ANP32A: variants seen among roughly 807,000 people sequenced by gnomAD.
ANP32A encodes acidic leucine-rich nuclear phosphoprotein 32 family member A.
In ANP32A, 1 loss-of-function variant was observed where a neutral mutation model predicts 33.9. The observed-to-expected ratio is 0.03, with a 90% CI of 0.01 to 0.14. The LOEUF is 0.14. Among genes scored for constraint, ANP32A ranks in the 10% least tolerant of loss-of-function variants. The pLI is 1.00. For synonymous variants in ANP32A, 115 were observed against 120.5 expected, an observed-to-expected ratio of 0.95 and a Z score of 0.30; for missense variants, 155 against 306.0, an observed-to-expected ratio of 0.51 and a Z score of 3.68.
chr15:68,818,060 A>G (rs1254879629), intron 1 of ANP32A, among the ~76,000 whole-genome samples: 1 of 152,026 alleles, frequency 6.6e-6, no homozygotes, highest in Non-Finnish European at 1.5e-5. Flanking sequence ...ATAAAAATAA[A>G]TAAATAAAAC....
At chr15:68,812,089 T>C (rs1567040173) in intron 1 of ANP32A, among the ~76,000 whole-genome samples, 1 of 152,082 alleles carries the variant, frequency 6.6e-6, no homozygotes, top group African/African-American at 2.4e-5. Flanking sequence ...TATGGTGTTC[T>C]AACGGCAACA....
Position 68,779,923 on chromosome 15 carries a change from C to G in ANP32A, c.*158G>C, listed in dbSNP as rs561441696. 1.6e-5 allele frequency: 8 copies of G among 510,026 alleles called. No homozygotes were observed. The highest frequency in any genetic ancestry group is 3.6e-5 in the East Asian group (1 of 28,110). 31.6% of individuals were successfully genotyped at this position (510,026 alleles called of 1,614,324 possible). ...CACCCCCACCCGCCATCCCTCCCCCCGCAACCCCCAGTACACTCTTCCCCT... is the reference window on the plus strand; with the variant it reads ...CACCCCCACCCGCCATCCCTCCCCCGGCAACCCCCAGTACACTCTTCCCCT... On this transcript the variant is annotated 3_prime_UTR_variant, in exon 7 of 7. Coordinates refer to ENST00000465139, the MANE Select transcript of ANP32A (RefSeq NM_006305.4).
At position 68,787,755 on chromosome 15, in the gene ANP32A, C is replaced by G; in HGVS notation, c.204+15G>C. 1.9e-6 allele frequency: 3 copies of G among 1,601,778 alleles called. No individual in the cohort carries two copies. The highest frequency in any genetic ancestry group is 2.6e-6 in the Non-Finnish European group (3 of 1,168,990). On this transcript the variant is annotated intron_variant, in intron 2 of 6. Transcript: ENST00000465139. ...ACCCCCGCCTCCCAGCACACACAGA[C>G]TCCACTCTATTTACCTTCTTAAGTT...
At chr15:68,810,857 C>T (rs1253671003) in intron 1 of ANP32A, among the ~76,000 whole-genome samples, 2 of 151,954 alleles carry the variant, frequency 1.3e-5, no homozygotes, top group Non-Finnish European at 1.5e-5. Flanking sequence ...GTCAGGAGTT[C>T]GAGATCAGCC....
chr15:68,790,330 AG>A (rs1253926114), intron 1 of ANP32A: 1 of 152,260 alleles, frequency 6.6e-6, no homozygotes, highest in Non-Finnish European at 1.5e-5. Context: ...GAATTCGTCC[AG>A]GAAGTCGGTC....
chr15:68,791,717 G>A (rs1388973030), intron 1 of ANP32A: 1 of 152,688 alleles, frequency 6.5e-6, no homozygotes, highest in Admixed American at 6.5e-5. Flanking sequence ...CTCCCTGGTT[G>A]GTTTCAGCAC....
intron 4 of ANP32A, 74 bp downstream of exon 4, chr15:68,784,323 C>T (rs773651745): frequency 9.1e-6 from 14 of 1,542,146 alleles, no homozygotes; most frequent in Non-Finnish European, 1.2e-5. Context: ...GCCCACCCAC[C>T]TCTGCAAAGC....
chr15:68,787,950 C>A, intron 1 of ANP32A, 31 bp from the exon 2 acceptor site: 2 of 1,613,624 alleles, frequency 1.2e-6, no homozygotes, highest in South Asian at 2.2e-5. Flanking sequence ...GTGAGCGGGG[C>A]TGAGGAATGG....
chr15:68,801,744 T>C (rs1252729797), intron 1 of ANP32A: 1 of 154,698 alleles, frequency 6.5e-6, no homozygotes, highest in East Asian at 1.9e-4. Flanking sequence ...TATTAAACTG[T>C]AGCACTTTGC....
At chr15:68,784,195 A>T in intron 4 of ANP32A, 1 of 615,606 alleles carries the variant, frequency 1.6e-6, no homozygotes, top group South Asian at 2.0e-5. Context: ...AATGAGACAG[A>T]TTAGGGACTA....
chr15:68,787,641 C>T (rs779608154), intron 2 of ANP32A, 106 bp from the exon 3 acceptor site: 1 of 1,597,244 alleles, frequency 6.3e-7, no homozygotes, highest in Non-Finnish European at 8.6e-7. Flanking sequence ...AAAGCAGTCT[C>T]AGGCAATTGT....
intron 1 of ANP32A, among the ~76,000 whole-genome samples, chr15:68,804,870 A>T (rs1469830779): frequency 2.0e-5 from 3 of 152,268 alleles, no homozygotes. Context: ...TCCAGCCCTC[A>T]TAATACTGGG....
At chr15:68,812,036 GT>G (rs386364568) in intron 1 of ANP32A, among the ~76,000 whole-genome samples, 2 of 3,586 alleles carry the variant, frequency 5.6e-4, no homozygotes, top group African/African-American at 3.2e-4. Context: ...GCCCTAAGTT[GT>G]TTTTTTTTTT....
chr15:68,807,568 G>A (rs981163753), intron 1 of ANP32A, among the ~76,000 whole-genome samples: 6 of 152,144 alleles, frequency 3.9e-5, no homozygotes, highest in Admixed American at 2.6e-4. Context: ...ACCTTCTGGA[G>A]AGGGGCTGAC....
intron 1 of ANP32A, among the ~76,000 whole-genome samples, chr15:68,813,299 T>C (rs1305673647): frequency 2.0e-5 from 3 of 152,210 alleles, no homozygotes; most frequent in Non-Finnish European, 4.4e-5. Flanking sequence ...CTGTATATCA[T>C]CAGGACAACT....
At chr15:68,818,283 C>A in intron 1 of ANP32A, 2 of 269,516 alleles carry the variant, frequency 7.4e-6, no homozygotes, top group Admixed American at 4.4e-5. Context: ...GCATGGCCAC[C>A]AGCTCCCGGA....
intron 1 of ANP32A, chr15:68,818,349 G>C: frequency 5.4e-6 from 1 of 185,312 alleles, no homozygotes; most frequent in South Asian, 6.4e-5. Context: ...GGGCAGCGCG[G>C]CGGGGAGGGG....
Position 68,780,022 on chromosome 15 carries a change from G to A in ANP32A, c.*59C>T, listed in dbSNP as rs1213852501. The A allele has an allele frequency of 2.0e-6, 3 of 1,506,554 alleles. No homozygotes were observed. Among genetic ancestry groups the A allele is most frequent in the Non-Finnish European group, 2.8e-6 (3 of 1,090,484 alleles). 93.3% of individuals were successfully genotyped at this position (1,506,554 alleles called of 1,614,324 possible). A position where few individuals can be genotyped will look rare whatever the true frequency, so the allele number is the denominator to read the frequency against. ...GCAGGATTGGAGGGGGGGGGGAGAGGGGATATGGGTAAAAACAGTCAAATC... is the reference window on the plus strand; with the variant it reads ...GCAGGATTGGAGGGGGGGGGGAGAGAGGATATGGGTAAAAACAGTCAAATC... On this transcript the variant is annotated 3_prime_UTR_variant, in exon 7 of 7. Coordinates refer to ENST00000465139, the MANE Select transcript of ANP32A (RefSeq NM_006305.4). The surrounding 1 kb of genome is among the most constrained non-coding windows in gnomAD (Gnocchi z 4.3).
At chr15:68,786,956 T>G (rs1053600636) in intron 3 of ANP32A, among the ~76,000 whole-genome samples, 2 of 152,182 alleles carry the variant, frequency 1.3e-5, no homozygotes, top group African/African-American at 4.8e-5. Flanking sequence ...CAGGGTTCTA[T>G]GTCAGGACTG....
Sources: gnomAD v4.1 joint callset for allele counts (sites outside exome capture counted in the v4.1 genomes callset) on GRCh38, gnomAD v4.1.1 for gene constraint, Gnocchi (gnomAD v3.1) non-coding constraint, MANE v1.5 for transcripts, NCBI Gene and HGNC (gene_info 2026-07-23, HGNC 2026-07-21) for gene names.